The following NADK2 variants were observed in gnomAD, a reference collection of about 807,000 sequenced individuals.
The protein encoded by NADK2 is NAD kinase domain-containing protein 1, mitochondrial.
Under a neutral mutation model 62.1 loss-of-function variants are expected in NADK2, and 35 were observed. That is an observed-to-expected ratio of 0.56 (90% CI 0.43 to 0.75). NADK2 has a LOEUF of 0.75. Among genes scored for constraint, NADK2 ranks in the 30% least tolerant of loss-of-function variants. The pLI is 0.00. For synonymous variants in NADK2, 205 were observed against 207.9 expected (o/e 0.99, Z 0.12); for missense variants, 439 against 561.3 (o/e 0.78, Z 2.20).
At chr5:36,220,595 G>GT (rs1245501667) in intron 4 of NADK2, among the ~76,000 whole-genome samples, 1 of 152,168 alleles carries the variant, frequency 6.6e-6, no homozygotes, top group Admixed American at 6.5e-5. Context: ...TTAAGAAAGC[G>GT]TAAGGCCTAG....
intron 9 of NADK2, 62 bp from the exon 10 acceptor site, chr5:36,200,342 T>C (rs1475713523): frequency 5.4e-6 from 6 of 1,107,504 alleles, no homozygotes; most frequent in Non-Finnish European, 7.2e-6. Context: ...TATATATATT[T>C]TCCTTGAAAA....
chr5:36,221,740 A>C (rs529199821), intron 4 of NADK2: 1 of 152,264 alleles, frequency 6.6e-6, no homozygotes, highest in Non-Finnish European at 1.5e-5. Context: ...AAATTTATGA[A>C]TATGAAGCCA....
At position 36,222,383 on chromosome 5, in the gene NADK2, T is replaced by C. The variant is rs114342361; in HGVS notation, c.561-2704A>G. Reference sequence around the variant, plus strand: ...TCCCTGTGTGAGCCTCTAACCAGCATGTTGGTGGACACTCATATAGTTACA... The same window carrying C: ...TCCCTGTGTGAGCCTCTAACCAGCACGTTGGTGGACACTCATATAGTTACA... On this transcript the variant is annotated intron_variant, in intron 4 of 11. Transcript: ENST00000381937. Among the ~76,000 whole-genome samples, 246 of 152,314 alleles carry C rather than the reference T, an allele frequency of 1.6e-3. 1 individual carries two copies. Among genetic ancestry groups the C allele is most frequent in the African/African-American group, 5.7e-3 (237 of 41,578 alleles).
In NADK2 at chr5:36,207,250, C is replaced by A. The variant is rs1746674567; in HGVS notation, c.876G>T (p.Glu292Asp). The A allele has an allele frequency of 3.7e-6, 6 of 1,612,472 alleles. No homozygotes were observed. Among genetic ancestry groups the A allele is most frequent in the Non-Finnish European group, 5.1e-6 (6 of 1,178,928 alleles). ...ESLSSRASYY[E>D]ISVDDGPWEK... Reference sequence around the variant, plus strand: ...CCCATGGACCATCATCAACTGAAATCTCATAGTAGGAAGCCCTGTGAATTG... The same window carrying A: ...CCCATGGACCATCATCAACTGAAATATCATAGTAGGAAGCCCTGTGAATTG... The change falls in exon 8 of 12, where the codon GAG becomes GAT. Residue 292 changes from glutamate (E) to aspartate (D), a missense_variant. Transcript: ENST00000381937.
rs1746680786 is a variant in NADK2, at chr5:36,207,406, C to T, written c.861-141G>A. On this transcript the variant is annotated intron_variant, in intron 7 of 11. Transcript: ENST00000381937. ...CTTAGTAGGCACACACATCATGATG[C>T]TAATTCCAATACTGATTAAGTGAAA... 1.0e-5 allele frequency: 6 copies of T among 579,932 alleles called. No homozygotes were observed. In the South Asian group the frequency reaches 1.4e-4, roughly 14 times the overall value. 35.9% of individuals were successfully genotyped at this position (579,932 alleles called of 1,614,324 possible). A position where few individuals can be genotyped will look rare whatever the true frequency, so the allele number is the denominator to read the frequency against.
At chr5:36,238,320 C>T (rs946255452) in intron 1 of NADK2, among the ~76,000 whole-genome samples, 12 of 152,046 alleles carry the variant, frequency 7.9e-5, no homozygotes, top group African/African-American at 2.9e-4. Flanking sequence ...TCCAATAACA[C>T]GGCAGACTGT....
At chr5:36,234,435 A>C (rs544117087) in intron 1 of NADK2, among the ~76,000 whole-genome samples, 2 of 152,242 alleles carry the variant, frequency 1.3e-5, no homozygotes, top group South Asian at 4.1e-4. Flanking sequence ...TTTTGAAACC[A>C]ATAGTAAATA....
intron 1 of NADK2, among the ~76,000 whole-genome samples, chr5:36,230,438 C>T (rs1747665876): frequency 6.6e-6 from 1 of 152,208 alleles, no homozygotes. Context: ...CCCTTTTTTG[C>T]ATTTACCACA....
At chr5:36,210,447 T>C (rs1336801440) in intron 7 of NADK2, among the ~76,000 whole-genome samples, 1 of 152,152 alleles carries the variant, frequency 6.6e-6, no homozygotes, top group East Asian at 1.9e-4. Flanking sequence ...GGTTATAATC[T>C]TGAACTGTCA....
At position 36,241,302 on chromosome 5, in the gene NADK2, C is replaced by T; in HGVS notation, c.300+197G>A. 1 of 1,105,726 alleles carries T rather than the reference C, an allele frequency of 9.0e-7. No individual in the cohort carries two copies. Among genetic ancestry groups the T allele is most frequent in the Non-Finnish European group, 1.2e-6 (1 of 844,458 alleles). 68.5% of individuals were successfully genotyped at this position (1,105,726 alleles called of 1,614,324 possible). On this transcript the variant is annotated intron_variant, in intron 1 of 11. Coordinates refer to ENST00000381937, the MANE Select transcript of NADK2 (RefSeq NM_001085411.3). This position sits in a 1 kb window ranked among gnomAD's most constrained non-coding sequence, Gnocchi z 4.9. ...CTCTCTCCCCCTCTCCCCGGCCCTGCCTCTCCCTCGCACACACGCCCAAAG... is the reference window on the plus strand; with the variant it reads ...CTCTCTCCCCCTCTCCCCGGCCCTGTCTCTCCCTCGCACACACGCCCAAAG...
rs775600819 is a variant in NADK2, at chr5:36,226,563, C to G, written c.390G>C (p.Arg130=). 3.7e-6 allele frequency: 6 copies of G among 1,608,878 alleles called. No homozygotes were observed. In the East Asian group the frequency reaches 1.3e-4, roughly 36 times the overall value. Residue 130 remains arginine, a splice_region_variant and synonymous_variant, in exon 3 of 12, where the codon CGG becomes CGC. Transcript: ENST00000381937. ...CTAGACGAACCTCAATTCCCTCATT[C>G]CTAGGATAAAAAAGGAAAGGTTATA... ...KNVEHIIDSL[R]NEGIEVRLVK...
chr5:36,214,823 CCTGAAAA>C (rs1247772929), intron 6 of NADK2, among the ~76,000 whole-genome samples: 1 of 152,130 alleles, frequency 6.6e-6, no homozygotes, highest in Non-Finnish European at 1.5e-5. Flanking sequence ...GCCTTGGTTG[CCTGAAAA>C]CTCCTTGGAC....
chr5:36,219,469 C>T (rs1747171458), intron 5 of NADK2, 127 bp downstream of exon 5: 1 of 754,250 alleles, frequency 1.3e-6, no homozygotes. Context: ...CATCGGCCTC[C>T]CAAAGTACTG....
chr5:36,236,189 T>TA (rs748327984), intron 1 of NADK2, among the ~76,000 whole-genome samples: 26 of 152,220 alleles, frequency 1.7e-4, no homozygotes, highest in Non-Finnish European at 2.6e-4. Flanking sequence ...TAGATAATGC[T>TA]TATATACAGT....
intron 6 of NADK2, chr5:36,212,954 A>T (rs537625713): frequency 2.6e-5 from 4 of 152,308 alleles, no homozygotes; most frequent in Admixed American, 1.3e-4. Context: ...CACTTCTGAG[A>T]TCAGGTTAGA....
intron 1 of NADK2, among the ~76,000 whole-genome samples, chr5:36,228,274 A>C (rs1747559489): frequency 6.6e-6 from 1 of 152,170 alleles, no homozygotes; most frequent in South Asian, 2.1e-4. Context: ...ATAAAGTAAA[A>C]TGTAGAGAAA....
At chr5:36,226,155 A>G (rs1316961821) in intron 3 of NADK2, among the ~76,000 whole-genome samples, 1 of 152,208 alleles carries the variant, frequency 6.6e-6, no homozygotes, top group South Asian at 2.1e-4. Context: ...AATTTACCTC[A>G]TCTCATTAAA....
At chr5:36,198,958 T>C (rs1475134295) in intron 10 of NADK2, among the ~76,000 whole-genome samples, 1 of 151,766 alleles carries the variant, frequency 6.6e-6, no homozygotes, top group Admixed American at 6.6e-5. Context: ...TGTTCAAATA[T>C]TGTATCAGGT....
Position 36,225,570 on chromosome 5 carries a change from C to T in NADK2, c.532G>A (p.Val178Ile). ...ASKVLDRLKPVIGVNTDPERS... is the reference protein window; with the variant it reads ...ASKVLDRLKPIIGVNTDPERS... The stretch of plus-strand genomic sequence containing the variant: ...TCTGGATCAGTGTTTACCCCTATAA[C>T]TGGTTTAAGTCTGTCCAAGACTTTA... The change falls in exon 4 of 12, where the codon GTT (valine) becomes ATT (isoleucine). Residue 178 changes from valine to isoleucine, a missense_variant. Transcript: ENST00000381937. 1 of 1,613,790 alleles carries T rather than the reference C, an allele frequency of 6.2e-7. No individual in the cohort carries two copies. The highest frequency in any genetic ancestry group is 1.1e-5 in the South Asian group (1 of 91,002).
Sources: allele counts gnomAD v4.1 joint callset (sites outside exome capture counted in the v4.1 genomes callset), GRCh38; gene constraint gnomAD v4.1.1; non-coding constraint Gnocchi (gnomAD v3.1); transcripts MANE v1.5; gene names NCBI Gene and HGNC (gene_info 2026-07-23, HGNC 2026-07-21).